Variants in NUP205 observed in about 807,000 individuals in gnomAD.
The protein encoded by NUP205 is nucleoporin 205, also known as nuclear pore complex protein Nup205.
In NUP205, 76 loss-of-function variants were observed where a neutral mutation model predicts 253.8. That is an observed-to-expected ratio of 0.30 (90% confidence interval 0.25 to 0.36). The LOEUF is 0.36. Ranked by LOEUF, NUP205 falls within the 10% of genes least tolerant of loss-of-function variation. NUP205 has a pLI of 1.00. For missense variants in NUP205, 2,162 were observed against 2,425.5 expected (o/e 0.89, Z 2.28); for synonymous variants, 832 against 850.1 (o/e 0.98, Z 0.37).
intron 7 of NUP205, among the ~76,000 whole-genome samples, chr7:135,582,715 T>C (rs1278615368): frequency 6.6e-6 from 1 of 152,178 alleles, no homozygotes; most frequent in African/African-American, 2.4e-5. Flanking sequence ...TCCTCCTGTC[T>C]TGGCTAAGTG....
chr7:135,562,959 GCCATGGAAA>G (rs1299520646), intron 1 of NUP205, among the ~76,000 whole-genome samples: 9 of 152,040 alleles, frequency 5.9e-5, no homozygotes, highest in Admixed American at 5.9e-4. Context: ...ATTCCCTCTT[GCCATGGAAA>G]CCCACAGGTT....
At chr7:135,580,682 C>T (rs779028727) in intron 7 of NUP205, among the ~76,000 whole-genome samples, 54 of 152,078 alleles carry the variant, frequency 3.6e-4, no homozygotes, top group Non-Finnish European at 5.9e-4. Context: ...AGGCTGGTCT[C>T]GAACTCCGGA....
chr7:135,569,837 A>G (rs913230795), intron 1 of NUP205, among the ~76,000 whole-genome samples: 1 of 151,962 alleles, frequency 6.6e-6, no homozygotes, highest in African/African-American at 2.4e-5. Context: ...GTACATTTTC[A>G]GCTTCTAAGT....
At chr7:135,591,330 T>G (rs1806623249) in intron 10 of NUP205, 120 bp from the exon 11 acceptor site, 1 of 737,168 alleles carries the variant, frequency 1.4e-6, no homozygotes, top group African/African-American at 1.8e-5. Flanking sequence ...TAAATTTGTC[T>G]GTTGCGAGGG....
At chr7:135,591,335 C>T (rs746277463) in intron 10 of NUP205, 115 bp from the exon 11 acceptor site, 33 of 781,404 alleles carry the variant, frequency 4.2e-5, no homozygotes, top group Non-Finnish European at 5.5e-5. Context: ...TTGTCTGTTG[C>T]GAGGGTTAAG....
At position 135,637,310 on chromosome 7, in the gene NUP205, T is replaced by C. The variant is rs549081588; in HGVS notation, c.5137-621T>C. Among the ~76,000 whole-genome samples, 111 of 152,328 alleles carry C rather than the reference T, an allele frequency of 7.3e-4. 3 individuals are homozygous for C. In the South Asian group the frequency reaches 0.022, roughly 31 times the overall value. ...TGTTATTGGAACCCATGTCTCTAAT[T>C]TGAAAGCCATCGGCTAACCTCTGGA... is the stretch of plus-strand genomic sequence containing the variant. On this transcript the variant is annotated intron_variant, in intron 36 of 42. Transcript: ENST00000285968.
At chr7:135,596,105 T>C (rs538448757) in intron 13 of NUP205, among the ~76,000 whole-genome samples, 2 of 152,120 alleles carry the variant, frequency 1.3e-5, no homozygotes, top group East Asian at 3.9e-4. Flanking sequence ...CAGCTAATTT[T>C]GTATTTTTAG....
chr7:135,562,467 G>A (rs1417661589), intron 1 of NUP205, among the ~76,000 whole-genome samples: 1 of 151,850 alleles, frequency 6.6e-6, no homozygotes, highest in Non-Finnish European at 1.5e-5. Context: ...CAAAGTGCTG[G>A]GGTTATAGGC....
At chr7:135,625,940 G>A (rs1794579954) in intron 32 of NUP205, among the ~76,000 whole-genome samples, 1 of 152,264 alleles carries the variant, frequency 6.6e-6, no homozygotes, top group African/African-American at 2.4e-5. Flanking sequence ...AGACACAGCT[G>A]TTAGCAAAAC....
At chr7:135,635,852 G>A (rs1794799939) in intron 36 of NUP205, among the ~76,000 whole-genome samples, 195 bp downstream of exon 36, 1 of 152,022 alleles carries the variant, frequency 6.6e-6, no homozygotes, top group South Asian at 2.1e-4. Flanking sequence ...TCCATTGTTG[G>A]GGGATGGGGA....
chr7:135,588,849 ATTCT>A (rs1584654702), intron 10 of NUP205, among the ~76,000 whole-genome samples: 1 of 151,348 alleles, frequency 6.6e-6, no homozygotes, highest in East Asian at 1.9e-4. Flanking sequence ...ACAGGCAAAA[ATTCT>A]TTCTGTATTA....
intron 22 of NUP205, among the ~76,000 whole-genome samples, chr7:135,612,673 T>C (rs1277493220): frequency 6.6e-6 from 1 of 152,200 alleles, no homozygotes; most frequent in Non-Finnish European, 1.5e-5. Flanking sequence ...GTAGCTGTTC[T>C]CCCGCGCATG....
At chr7:135,591,682 T>C in intron 11 of NUP205, 82 bp downstream of exon 11, 1 of 1,257,910 alleles carries the variant, frequency 7.9e-7, no homozygotes, top group Non-Finnish European at 1.1e-6. Context: ...AGAACATTGG[T>C]GTTTGAACTA....
At position 135,645,526 on chromosome 7, in the gene NUP205, T is replaced by C; in HGVS notation, c.5742T>C (p.His1914=). 1 of 1,614,024 alleles carries C rather than the reference T, an allele frequency of 6.2e-7. No homozygotes were observed. The highest frequency in any genetic ancestry group is 1.6e-4 in the Middle Eastern group (1 of 6,062). ...GCCATCTGGAGTACTACTTGTTACA[T>C]TGCATGCCCACGGATTCTCAAGATT... ...LWRHLEYYLL[H]CMPTDSQDSL... Residue 1914 remains histidine (H), a synonymous_variant, in exon 41 of 43, where the codon CAT becomes CAC. Coordinates refer to ENST00000285968, the MANE Select transcript of NUP205 (RefSeq NM_015135.3).
At chr7:135,560,248 G>A (rs1299316336) in intron 1 of NUP205, among the ~76,000 whole-genome samples, 2 of 151,066 alleles carry the variant, frequency 1.3e-5, no homozygotes, top group East Asian at 1.9e-4. Context: ...CGCCTACCTC[G>A]GCATCCCAAA....
Position 135,630,439 on chromosome 7 carries a change from G to T in NUP205, c.5028G>T (p.Leu1676=). The T allele has an allele frequency of 1.2e-6, 2 of 1,609,916 alleles. No homozygotes were observed. The highest frequency in any genetic ancestry group is 2.2e-5 in the South Asian group (2 of 90,700). ...GGTCTTTGCAGGAATTGGCTCTGCTGACAGGAATTATAAGTAAAGCAGCAC... is the reference window on the plus strand; with the variant it reads ...GGTCTTTGCAGGAATTGGCTCTGCTTACAGGAATTATAAGTAAAGCAGCAC... ...SAGSLQELAL[L]TGIISKAALP... Residue 1676 remains leucine, a synonymous_variant, in exon 35 of 43, where the codon CTG becomes CTT. Coordinates refer to ENST00000285968, the MANE Select transcript of NUP205 (RefSeq NM_015135.3).
At chr7:135,631,115 G>A (rs966066303) in intron 35 of NUP205, among the ~76,000 whole-genome samples, 10 of 151,988 alleles carry the variant, frequency 6.6e-5, no homozygotes, top group African/African-American at 2.4e-4. Flanking sequence ...AAGCAACAGA[G>A]ACATACAGAG....
At chr7:135,599,852 A>C (rs1793926398) in intron 15 of NUP205, among the ~76,000 whole-genome samples, 1 of 152,226 alleles carries the variant, frequency 6.6e-6, no homozygotes, top group Non-Finnish European at 1.5e-5. Flanking sequence ...AGCTGCTCAC[A>C]CAAACAGTGC....
chr7:135,630,471 G>T lies in NUP205; in HGVS notation c.5059+1G>T. 6.3e-7 allele frequency: 1 copy of T among 1,594,876 alleles called. No homozygotes were observed. The highest frequency in any genetic ancestry group is 8.5e-7 in the Non-Finnish European group (1 of 1,172,452). ...ATTATAAGTAAAGCAGCACTTCCTG[G>T]TGAGTTGATTATGTTGAAAGGATTT... On this transcript the variant is annotated splice_donor_variant, in intron 35 of 42. Coordinates refer to ENST00000285968, the MANE Select transcript of NUP205 (RefSeq NM_015135.3). LOFTEE classifies it high-confidence loss of function.
Sources: gnomAD v4.1 joint callset for allele counts (sites outside exome capture counted in the v4.1 genomes callset) on GRCh38, gnomAD v4.1.1 for gene constraint, MANE v1.5 for transcripts, NCBI Gene and HGNC (gene_info 2026-07-23, HGNC 2026-07-21) for gene names.